The following CDK13 variants were observed in gnomAD, a reference collection of about 807,000 sequenced individuals.
CDK13 encodes the protein cyclin-dependent kinase 13.
Under a neutral mutation model 137.6 loss-of-function variants are expected in CDK13, and 40 were observed. The observed-to-expected ratio is 0.29, with a 90% CI of 0.23 to 0.38. The LOEUF is 0.38. CDK13 is among the 10% of genes least tolerant of loss of function. CDK13 has a pLI of 1.00. For missense variants in CDK13, 1,704 were observed against 1,951.8 expected (o/e 0.87, Z 2.39); for synonymous variants, 869 against 760.1 (o/e 1.14, Z -2.36).
chr7:39,992,163 G>GGGGGTGTGTGT (rs550297232), intron 2 of CDK13, among the ~76,000 whole-genome samples: 3 of 146,310 alleles, frequency 2.1e-5, no homozygotes. Context: ...AACTAATGAG[G>GGGGGTGTGTGT]GTGTGTGTGT....
At chr7:39,981,059 G>A (rs981699152) in intron 1 of CDK13, among the ~76,000 whole-genome samples, 2 of 152,098 alleles carry the variant, frequency 1.3e-5, no homozygotes, top group Non-Finnish European at 2.9e-5. Flanking sequence ...CAACAGTGTC[G>A]GAATATTAGG....
intron 1 of CDK13, among the ~76,000 whole-genome samples, chr7:39,983,699 G>C (rs1251448224): frequency 1.3e-5 from 2 of 152,126 alleles, no homozygotes. Flanking sequence ...CTACTCATCA[G>C]TATCTGATCA....
At chr7:40,081,276 CATT>C (rs1786657270) in intron 11 of CDK13, among the ~76,000 whole-genome samples, 1 of 151,966 alleles carries the variant, frequency 6.6e-6, no homozygotes, top group Non-Finnish European at 1.5e-5. Flanking sequence ...TACTTTGTAC[CATT>C]ATTATTGGTA....
chr7:40,039,749 A>C (rs1025526200), intron 5 of CDK13, among the ~76,000 whole-genome samples: 23 of 152,154 alleles, frequency 1.5e-4, no homozygotes, highest in African/African-American at 5.1e-4. Context: ...GATACTAATA[A>C]TCACTCTGCA....
intron 9 of CDK13, chr7:40,066,967 A>G (rs1786293647): frequency 6.6e-6 from 1 of 151,578 alleles, no homozygotes; most frequent in African/African-American, 2.4e-5. Context: ...TTTTTGTTAA[A>G]CCCAACCAGC....
intron 5 of CDK13, among the ~76,000 whole-genome samples, chr7:40,044,506 A>G (rs1422942867): frequency 6.6e-6 from 1 of 151,456 alleles, no homozygotes; most frequent in African/African-American, 2.4e-5. Context: ...TTTTGTAGAG[A>G]CAGGGTTTCG....
chr7:40,040,063 T>TCTCAGCTCAC (rs1428824224), intron 5 of CDK13, among the ~76,000 whole-genome samples: 1 of 151,322 alleles, frequency 6.6e-6, no homozygotes, highest in African/African-American at 2.4e-5. Context: ...CCAGGATGGA[T>TCTCAGCTCAC]TGCAATGGCA....
At position 40,001,967 on chromosome 7, in the gene CDK13, T is replaced by C; in HGVS notation, c.2289T>C (p.Ser763=). 6.2e-7 allele frequency: 1 copy of C among 1,610,626 alleles called. No individual in the cohort carries two copies. The highest frequency in any genetic ancestry group is 8.5e-7 in the Non-Finnish European group (1 of 1,177,320). ...TTCTCCGGCAGCTTACCCATCAGAGTATTATCAATATGAAGGAAATAGTGA... is the reference window on the plus strand; with the variant it reads ...TTCTCCGGCAGCTTACCCATCAGAGCATTATCAATATGAAGGAAATAGTGA... ...IKILRQLTHQ[S]IINMKEIVTD... The change falls in exon 5 of 14, where the codon AGT becomes AGC. Residue 763 remains serine, a synonymous_variant. Coordinates refer to ENST00000181839, the MANE Select transcript of CDK13 (RefSeq NM_003718.5).
chr7:39,984,532 GAT>G (rs1562711960), intron 1 of CDK13: 3 of 151,982 alleles, frequency 2.0e-5, no homozygotes, highest in Admixed American at 6.6e-5. Flanking sequence ...GGTTACATGA[GAT>G]ATTTTGATAC....
At position 39,951,437 on chromosome 7, in the gene CDK13, A is replaced by T; in HGVS notation, c.796A>T (p.Ser266Cys). ...GRRKSASATS[S>C]SSSSRKDRDS... is the part of the protein sequence containing the mutation. ...CCGGAAAAGCGCTTCGGCCACATCCAGCAGCAGTAGCAGCCGCAAGGACCG... is the reference window on the plus strand; with the variant it reads ...CCGGAAAAGCGCTTCGGCCACATCCTGCAGCAGTAGCAGCCGCAAGGACCG... The change falls in exon 1 of 14, where the codon AGC (serine) becomes TGC (cysteine). Residue 266 changes from serine (S) to cysteine (C), a missense_variant. Transcript: ENST00000181839. 1 of 1,535,448 alleles carries T rather than the reference A, an allele frequency of 6.5e-7. No individual in the cohort carries two copies. The highest frequency in any genetic ancestry group is 8.8e-7 in the Non-Finnish European group (1 of 1,141,998).
At chr7:39,961,686 G>T (rs1290055331) in intron 1 of CDK13, among the ~76,000 whole-genome samples, 1 of 150,742 alleles carries the variant, frequency 6.6e-6, no homozygotes, top group Non-Finnish European at 1.5e-5. Flanking sequence ...TGCACAACGT[G>T]CAGGTTAGTT....
intron 2 of CDK13, among the ~76,000 whole-genome samples, chr7:39,994,890 A>C (rs1302653406): frequency 6.6e-6 from 1 of 151,002 alleles, no homozygotes; most frequent in African/African-American, 2.4e-5. Flanking sequence ...TTTTATAATC[A>C]GGTTGTCAAG....
intron 9 of CDK13, among the ~76,000 whole-genome samples, chr7:40,074,060 C>T (rs1322360515): frequency 1.3e-5 from 2 of 152,120 alleles, no homozygotes; most frequent in Non-Finnish European, 2.9e-5. Context: ...CGCCACCATG[C>T]CCAGCTAATT....
intron 5 of CDK13, among the ~76,000 whole-genome samples, chr7:40,004,492 A>G (rs892107900): frequency 6.6e-6 from 1 of 152,264 alleles, no homozygotes; most frequent in Admixed American, 6.5e-5. Flanking sequence ...TTAAAACATA[A>G]TTATTTCTTA....
At chr7:40,074,266 T>G (rs1417585167) in intron 9 of CDK13, among the ~76,000 whole-genome samples, 1 of 151,964 alleles carries the variant, frequency 6.6e-6, no homozygotes, top group African/African-American at 2.4e-5. Context: ...CTCACGCCCA[T>G]AATCCCAGCA....
intron 2 of CDK13, among the ~76,000 whole-genome samples, chr7:39,992,522 G>A (rs1036871486): frequency 5.9e-5 from 9 of 151,816 alleles, no homozygotes; most frequent in African/African-American, 9.7e-5. Context: ...TTACTATACT[G>A]TAAATACTTA....
intron 11 of CDK13, among the ~76,000 whole-genome samples, chr7:40,087,501 T>C (rs1786814554): frequency 6.6e-6 from 1 of 151,576 alleles, no homozygotes. Context: ...TGATGTACTA[T>C]CATAAGAACT....
At position 39,989,086 on chromosome 7, in the gene CDK13, C is replaced by CAAAAAAA. The variant is rs1213730855; in HGVS notation, c.1871+847_1871+853dup. On this transcript the variant is annotated intron_variant, in intron 2 of 13. Coordinates refer to ENST00000181839, the MANE Select transcript of CDK13 (RefSeq NM_003718.5). ...GTGACACAGTAAGACCGTGTCTCAC[C>CAAAAAAA]AAAAAAAAAAAAAAAAAAAAAAAAA... Among the ~76,000 whole-genome samples the CAAAAAAA allele has an allele frequency of 3.9e-4, 18 of 46,658 alleles. 3 individuals carry two copies. Among genetic ancestry groups the CAAAAAAA allele is most frequent in the Non-Finnish European group, 4.5e-4 (12 of 26,870 alleles). 30.6% of individuals were successfully genotyped at this position (46,658 alleles called of 152,430 possible).
Position 39,950,976 on chromosome 7 carries a change from G to T in CDK13, c.335G>T (p.Gly112Val). The T allele has an allele frequency of 7.6e-7, 1 of 1,314,748 alleles. No individual in the cohort carries two copies. Among genetic ancestry groups the T allele is most frequent in the Non-Finnish European group, 9.6e-7 (1 of 1,037,146 alleles). 81.4% of individuals were successfully genotyped at this position (1,314,748 alleles called of 1,614,324 possible). A position where few individuals can be genotyped will look rare whatever the true frequency, so the allele number is the denominator to read the frequency against. Reference sequence around the variant, plus strand: ...AAGCGGCGTCGCGGGCCCCGCGCCGGGCAGGAGGCGGAGAAGCGTCGGGTC... The same window carrying T: ...AAGCGGCGTCGCGGGCCCCGCGCCGTGCAGGAGGCGGAGAAGCGTCGGGTC... Reference protein sequence around the residue: ...RQKRRRGPRAGQEAEKRRVFS... With the variant: ...RQKRRRGPRAVQEAEKRRVFS... Residue 112 changes from glycine (G) to valine (V), a missense_variant, in exon 1 of 14, where the codon GGG (glycine) becomes GTG (valine). Physicochemically the swap from Gly to Val is moderately radical, Grantham distance 109. Coordinates refer to ENST00000181839, the MANE Select transcript of CDK13 (RefSeq NM_003718.5).
Sources: allele counts gnomAD v4.1 joint callset (sites outside exome capture counted in the v4.1 genomes callset), GRCh38; gene constraint gnomAD v4.1.1; transcripts MANE v1.5; gene names NCBI Gene and HGNC (gene_info 2026-07-23, HGNC 2026-07-21).